NTM: variants seen among roughly 807,000 people sequenced by gnomAD.
The protein encoded by NTM is IgLON family member 2.
NTM carries 13 observed loss-of-function variants against 42.1 expected under a neutral mutation model. The observed-to-expected ratio is 0.31, with a 90% CI of 0.20 to 0.49. The LOEUF (loss-of-function observed/expected upper bound fraction) is 0.49. Ranked by LOEUF, NTM falls within the 20% of genes least tolerant of loss-of-function variation. The probability of loss-of-function intolerance (pLI) is 0.99; values close to 1 mark genes in which losing one functional copy is unlikely to be tolerated. For missense variants in NTM, 373 were observed against 452.8 expected, an observed-to-expected ratio of 0.82 and a Z score of 1.60; for synonymous variants, 187 against 179.2, an observed-to-expected ratio of 1.04 and a Z score of -0.35.
chr11:132,079,288 T>A (rs899516749), intron 2 of NTM, among the ~76,000 whole-genome samples: 5 of 152,212 alleles, frequency 3.3e-5, no homozygotes, highest in African/African-American at 9.6e-5. Flanking sequence ...TCATAATCCT[T>A]ATCAGAATGG....
intron 2 of NTM, among the ~76,000 whole-genome samples, chr11:132,056,188 A>T (rs184958755): frequency 1.3e-5 from 2 of 152,350 alleles, no homozygotes; most frequent in East Asian, 3.9e-4. Context: ...TAAATACCAA[A>T]CCATGACTGT....
At chr11:132,330,249 T>C in intron 8 of NTM, 64 bp downstream of exon 8, 6 of 1,521,266 alleles carry the variant, frequency 3.9e-6, no homozygotes, top group Non-Finnish European at 5.3e-6. Context: ...CTCTTCACCT[T>C]CCTCCCAGAT....
At chr11:131,463,978 T>C (rs1031318264) in intron 1 of NTM, among the ~76,000 whole-genome samples, 16 of 152,246 alleles carry the variant, frequency 1.1e-4, no homozygotes, top group Non-Finnish European at 1.6e-4. Context: ...GCACGAGCCA[T>C]AATTAAAGTA....
chr11:131,374,424 C>T (rs1022590440), intron 1 of NTM, among the ~76,000 whole-genome samples: 1 of 152,220 alleles, frequency 6.6e-6, no homozygotes, highest in Non-Finnish European at 1.5e-5. Flanking sequence ...AGAGCCTGGT[C>T]CTGGTCCTGA....
At chr11:131,962,390 G>T (rs4578397) in intron 2 of NTM, among the ~76,000 whole-genome samples, 46,460 of 152,048 alleles carry the variant, frequency 0.31, 7,491 homozygotes, top group Middle Eastern at 0.45. Flanking sequence ...GGATAGTTTT[G>T]GGAGATGGGG....
At chr11:131,870,453 G>T (rs2047664823) in intron 1 of NTM, among the ~76,000 whole-genome samples, 1 of 152,134 alleles carries the variant, frequency 6.6e-6, no homozygotes, top group Non-Finnish European at 1.5e-5. Flanking sequence ...AGAAAGCTTG[G>T]CAGCCCTTGT....
intron 1 of NTM, among the ~76,000 whole-genome samples, chr11:131,453,558 G>GA (rs1693842672): frequency 1.3e-5 from 2 of 151,856 alleles, no homozygotes; most frequent in African/African-American, 4.8e-5. Flanking sequence ...AAATAACAAA[G>GA]AAAACACAAG....
chr11:131,981,986 T>C (rs2065312092), intron 2 of NTM, among the ~76,000 whole-genome samples: 1 of 151,730 alleles, frequency 6.6e-6, no homozygotes, highest in Non-Finnish European at 1.5e-5. Flanking sequence ...CACTCCAGCC[T>C]GGGTGACAGA....
intron 2 of NTM, among the ~76,000 whole-genome samples, chr11:132,046,007 T>C (rs1432303748): frequency 6.6e-6 from 1 of 152,208 alleles, no homozygotes; most frequent in Non-Finnish European, 1.5e-5. Context: ...CAAAATGGAA[T>C]TTTATCTGTG....
intron 1 of NTM, among the ~76,000 whole-genome samples, chr11:131,664,945 C>T (rs962724841): frequency 6.6e-6 from 1 of 152,080 alleles, no homozygotes; most frequent in Non-Finnish European, 1.5e-5. Flanking sequence ...ACTTTGAACT[C>T]CTGGAGCCCA....
intron 1 of NTM, among the ~76,000 whole-genome samples, chr11:131,909,122 G>A (rs764167180): frequency 2.0e-5 from 3 of 152,154 alleles, no homozygotes; most frequent in Admixed American, 6.5e-5. Flanking sequence ...CTGTAAAGTC[G>A]CTTCACTCTT....
chr11:132,245,186 G>A (rs1011302924), intron 4 of NTM, among the ~76,000 whole-genome samples: 2 of 152,124 alleles, frequency 1.3e-5, no homozygotes, highest in African/African-American at 4.8e-5. Context: ...AACTTTAACA[G>A]GGAAGCTGCA....
At chr11:131,752,345 T>A (rs2082668224) in intron 1 of NTM, among the ~76,000 whole-genome samples, 1 of 152,164 alleles carries the variant, frequency 6.6e-6, no homozygotes, top group Non-Finnish European at 1.5e-5. Flanking sequence ...TGAGATACCA[T>A]CTCACACCAG....
intron 1 of NTM, among the ~76,000 whole-genome samples, chr11:131,774,361 C>T (rs536810814): frequency 5.3e-5 from 8 of 152,282 alleles, no homozygotes; most frequent in Non-Finnish European, 1.2e-4. Flanking sequence ...TCACAGTAAT[C>T]CTTGACTTTT....
intron 2 of NTM, among the ~76,000 whole-genome samples, chr11:131,942,172 A>T (rs2059865116): frequency 6.6e-6 from 1 of 152,332 alleles, no homozygotes; most frequent in African/African-American, 2.4e-5. Context: ...AGCAGGTAAA[A>T]CTGCTATGCA....
At chr11:131,797,869 C>T (rs549548582) in intron 1 of NTM, among the ~76,000 whole-genome samples, 260 of 152,248 alleles carry the variant, frequency 1.7e-3, no homozygotes, top group Middle Eastern at 3.4e-3. Flanking sequence ...ACTACAATGG[C>T]CCCCTCCACA....
At chr11:131,411,842 GGAACA>G (rs1472003367) in intron 1 of NTM, among the ~76,000 whole-genome samples, 1 of 152,074 alleles carries the variant, frequency 6.6e-6, no homozygotes, top group Non-Finnish European at 1.5e-5. Context: ...TTATGTGTTT[GGAACA>G]GAGCCCTAAG....
rs1285822842 is a variant in NTM, at chr11:132,031,123, C to T, written c.168-115159C>T. 2.0e-5 allele frequency among the ~76,000 whole-genome samples: 3 copies of T among 152,196 alleles called. No homozygotes were observed. The East Asian group carries it at 5.8e-4, about 29-fold the overall frequency. On this transcript the variant is annotated intron_variant, in intron 2 of 8. Transcript: ENST00000683400. ...GCAAGGCACAGAGCCAAGCTCCAAA[C>T]ACAGTGGTGGGAAAGTATACCCTGC...
chr11:132,021,667 C>T (rs2135529512), intron 2 of NTM, among the ~76,000 whole-genome samples: 1 of 152,098 alleles, frequency 6.6e-6, no homozygotes, highest in South Asian at 2.1e-4. Context: ...AATTTTATAT[C>T]CTGTTTTAAT....
Sources: gnomAD v4.1 joint callset for allele counts (sites outside exome capture counted in the v4.1 genomes callset) on GRCh38, gnomAD v4.1.1 for gene constraint, MANE v1.5 for transcripts, NCBI Gene and HGNC (gene_info 2026-07-23, HGNC 2026-07-21) for gene names.